Variants in FBLN7 observed in about 807,000 individuals in gnomAD.
The protein encoded by FBLN7 is fibulin-7.
Under a neutral mutation model 44.0 loss-of-function variants are expected in FBLN7, and 31 were observed. The observed-to-expected ratio is 0.70, with a 90% CI of 0.53 to 0.95. FBLN7 has a LOEUF of 0.95. FBLN7 is among the 40% of genes least tolerant of loss of function. The pLI is 0.00. For synonymous variants in FBLN7, 262 were observed against 253.4 expected (o/e 1.03, Z -0.32); for missense variants, 573 against 618.5 (o/e 0.93, Z 0.78).
At chr2:112,238,953 C>G in the FBLN7 span, among the ~76,000 whole-genome samples, 1 of 152,220 alleles carries the variant, frequency 6.6e-6, no homozygotes, top group East Asian at 1.9e-4. Context: ...TTGTAAAACA[C>G]CCCAAGTAAA....
intron 4 of FBLN7, among the ~76,000 whole-genome samples, chr2:112,180,756 TA>T (rs947909415): frequency 6.6e-6 from 1 of 151,268 alleles, no homozygotes; most frequent in East Asian, 1.9e-4. Context: ...CCGTCTCTAC[TA>T]AAAAAATACA....
intron 1 of FBLN7, among the ~76,000 whole-genome samples, chr2:112,140,929 A>C (rs1680614388): frequency 6.6e-6 from 1 of 152,174 alleles, no homozygotes; most frequent in South Asian, 2.1e-4. Flanking sequence ...ATCTCACCGG[A>C]TTTATTTGTT....
At chr2:112,193,567 G>A in the FBLN7 span, among the ~76,000 whole-genome samples, 2 of 152,154 alleles carry the variant, frequency 1.3e-5, no homozygotes, top group Admixed American at 6.5e-5. Flanking sequence ...GTTGCTCTAC[G>A]TTTTAAAACG....
chr2:112,230,438 C>A, the FBLN7 span, among the ~76,000 whole-genome samples: 1 of 151,852 alleles, frequency 6.6e-6, no homozygotes, highest in Non-Finnish European at 1.5e-5. Flanking sequence ...TTGAAAATAA[C>A]CTAAATATTC....
chr2:112,232,314 C>T, the FBLN7 span, among the ~76,000 whole-genome samples: 1 of 71,624 alleles, frequency 1.4e-5, no homozygotes, highest in East Asian at 4.2e-4. Context: ...GATAATGTCT[C>T]AAAAAAAAAA....
the FBLN7 span, chr2:112,211,866 G>A: frequency 1.3e-5 from 2 of 152,196 alleles, no homozygotes; most frequent in Admixed American, 6.5e-5. Context: ...GATGAGTTGG[G>A]CATCTTGTCC....
downstream of FBLN7, chr2:112,189,815 A>C (rs1683424950): frequency 6.6e-6 from 1 of 152,224 alleles, no homozygotes; most frequent in South Asian, 2.1e-4. Flanking sequence ...AATATTTTAG[A>C]ATGTATCTCT....
At chr2:112,238,289 A>T in the FBLN7 span, 4 of 1,602,578 alleles carry the variant, frequency 2.5e-6, no homozygotes, top group East Asian at 8.9e-5. Flanking sequence ...GATAAACTTT[A>T]AATGATAAAA....
intron 1 of FBLN7, among the ~76,000 whole-genome samples, chr2:112,154,192 T>G (rs987716033): frequency 6.6e-6 from 1 of 152,246 alleles, no homozygotes; most frequent in African/African-American, 2.4e-5. Context: ...GCATGTCTCC[T>G]CTTAGTTCCA....
downstream of FBLN7, among the ~76,000 whole-genome samples, chr2:112,192,440 G>A (rs1683521713): frequency 6.6e-6 from 1 of 152,146 alleles, no homozygotes; most frequent in Non-Finnish European, 1.5e-5. Flanking sequence ...TGCCTGACTT[G>A]GGTATCTGGG....
the FBLN7 span, among the ~76,000 whole-genome samples, chr2:112,207,543 C>T: frequency 6.6e-6 from 1 of 151,124 alleles, no homozygotes; most frequent in East Asian, 1.9e-4. Context: ...ACCAAGTTAA[C>T]TGATAGTGTT....
the FBLN7 span, among the ~76,000 whole-genome samples, chr2:112,230,537 C>A: frequency 6.6e-6 from 1 of 152,094 alleles, no homozygotes; most frequent in Non-Finnish European, 1.5e-5. Flanking sequence ...CATGCATCTA[C>A]ACGAATGAAT....
intron 3 of FBLN7, among the ~76,000 whole-genome samples, chr2:112,170,533 GAA>G (rs199582472): frequency 2.3e-4 from 18 of 76,768 alleles, no homozygotes; most frequent in South Asian, 4.0e-4. Context: ...TCTCGAAAGT[GAA>G]AAAAAAAAAA....
chr2:112,233,253 A>T, the FBLN7 span: 1 of 1,516,202 alleles, frequency 6.6e-7, no homozygotes, highest in Non-Finnish European at 8.9e-7. Context: ...CTTGTGATAA[A>T]GGATATTATG....
At chr2:112,237,846 C>T in the FBLN7 span, among the ~76,000 whole-genome samples, 1 of 152,124 alleles carries the variant, frequency 6.6e-6, no homozygotes, top group Non-Finnish European at 1.5e-5. Context: ...GGATTACAGG[C>T]GTGAGCCACC....
At chr2:112,227,291 G>A in the FBLN7 span, among the ~76,000 whole-genome samples, 1 of 152,222 alleles carries the variant, frequency 6.6e-6, no homozygotes, top group East Asian at 1.9e-4. Flanking sequence ...TTGGGAGGCC[G>A]AGGCAGGCGG....
chr2:112,149,777 G>A (rs1461568207), intron 1 of FBLN7, among the ~76,000 whole-genome samples: 1 of 152,156 alleles, frequency 6.6e-6, no homozygotes, highest in African/African-American at 2.4e-5. Context: ...AATTTGACTG[G>A]ACCCAAACCC....
At chr2:112,220,094 C>G in the FBLN7 span, among the ~76,000 whole-genome samples, 1 of 152,176 alleles carries the variant, frequency 6.6e-6, no homozygotes, top group Middle Eastern at 3.2e-3. Context: ...GGTTTTGTTT[C>G]TATATCAGCT....
At chr2:112,143,719 T>G (rs777560553) in intron 1 of FBLN7, among the ~76,000 whole-genome samples, 11 of 152,134 alleles carry the variant, frequency 7.2e-5, no homozygotes, top group Non-Finnish European at 1.3e-4. Flanking sequence ...TCGTTACAAT[T>G]TTGTCTTCTC....
Sources: gnomAD v4.1 joint callset for allele counts (sites outside exome capture counted in the v4.1 genomes callset) on GRCh38, gnomAD v4.1.1 for gene constraint, MANE v1.5 for transcripts, NCBI Gene and HGNC (gene_info 2026-07-23, HGNC 2026-07-21) for gene names.